NFASC: variants seen among roughly 807,000 people sequenced by gnomAD.
NFASC encodes neurofascin.
A neutral mutation model predicts 147.5 loss-of-function variants in NFASC; 43 were observed. The observed-to-expected ratio is 0.29, with a 90% CI of 0.23 to 0.38. The LOEUF is 0.38. NFASC is among the 10% of genes least tolerant of loss of function. The pLI is 1.00. For missense variants in NFASC, 1,320 were observed against 1,689.0 expected, an observed-to-expected ratio of 0.78 and a Z score of 3.83; for synonymous variants, 622 against 665.5, an observed-to-expected ratio of 0.93 and a Z score of 1.01.
At chr1:204,973,141 G>A (rs2095307351) in intron 11 of NFASC, 135 bp from the exon 12 acceptor site, 3 of 863,802 alleles carry the variant, frequency 3.5e-6, no homozygotes, top group Admixed American at 4.1e-5. Context: ...AAGGCCAGAA[G>A]CCCTGTCATC....
Position 204,898,845 on chromosome 1 carries a change from C to G in NFASC, c.-199-21787C>G, listed in dbSNP as rs186143021. Among the ~76,000 whole-genome samples the G allele has an allele frequency of 1.2e-4, 18 of 152,310 alleles. No homozygotes were observed. In the East Asian group the frequency reaches 3.5e-3, roughly 29 times the overall value. ...GGCCGACCCAGTCATTTTGGAGGAG[C>G]AGTGAAAGCATACCCCAGTCCTAGG... On this transcript the variant is annotated intron_variant, in intron 1 of 29. Transcript: ENST00000339876.
chr1:204,843,581 T>TTTCCTTC (rs1675985698), intron 1 of NFASC, among the ~76,000 whole-genome samples: 14 of 143,038 alleles, frequency 9.8e-5, no homozygotes, highest in African/African-American at 3.6e-4. Flanking sequence ...TCCTTCCTTC[T>TTTCCTTC]TTCCTTCTTC....
At chr1:204,838,542 C>T (rs1674427965) in intron 1 of NFASC, among the ~76,000 whole-genome samples, 2 of 152,208 alleles carry the variant, frequency 1.3e-5, no homozygotes, top group African/African-American at 2.4e-5. Context: ...AGGGAAGGCT[C>T]CTTGGATTCT....
At position 204,977,006 on chromosome 1, in the gene NFASC, C is replaced by T. The variant is rs559639794; in HGVS notation, c.1831+211C>T. On this transcript the variant is annotated intron_variant, in intron 16 of 29. Transcript: ENST00000339876. ...GGACAGGTTACCTCCTGAGTGGAGTCATTAACTTCCCCACGTCTCAACTGA... is the reference window on the plus strand; with the variant it reads ...GGACAGGTTACCTCCTGAGTGGAGTTATTAACTTCCCCACGTCTCAACTGA... 2,016 of 1,310,752 alleles carry T rather than the reference C, an allele frequency of 1.5e-3. 1 individual carries two copies. The highest frequency in any genetic ancestry group is 1.8e-3 in the Non-Finnish European group (1,895 of 1,030,914). 81.2% of individuals were successfully genotyped at this position (1,310,752 alleles called of 1,614,324 possible).
intron 28 of NFASC, 187 bp from the exon 29 acceptor site, chr1:205,012,610 G>A (rs2096273456): frequency 1.6e-6 from 1 of 618,064 alleles, no homozygotes; most frequent in East Asian, 2.8e-5. Flanking sequence ...GGAGGAGGCA[G>A]AGTCAACTTG....
chr1:205,003,360 A>G (rs1387448118), intron 27 of NFASC, among the ~76,000 whole-genome samples: 2 of 152,176 alleles, frequency 1.3e-5, no homozygotes, highest in Non-Finnish European at 2.9e-5. Context: ...CAGAACCGGA[A>G]AGGTTCTGGC....
In NFASC at chr1:204,936,198, CTTTTTCTT is replaced by C. The variant is rs2092819960; in HGVS notation, c.-90-8022_-90-8015del. ...TAACAGATTCCCTCTCTCTCTCTTTCTTTTTCTTTTTTTTTTTTTTTGAGATGGAGTCT... is the reference window on the plus strand; with the variant it reads ...TAACAGATTCCCTCTCTCTCTCTTTCTTTTTTTTTTTTTGAGATGGAGTCT... On this transcript the variant is annotated intron_variant, in intron 2 of 29. Coordinates refer to ENST00000339876, the MANE Select transcript of NFASC (RefSeq NM_001005388.3). 4.2e-5 allele frequency among the ~76,000 whole-genome samples: 3 copies of C among 71,892 alleles called. 1 individual carries two copies. Among genetic ancestry groups the C allele is most frequent in the South Asian group, 4.7e-4 (1 of 2,116 alleles). The allele number at this position is 71,892 out of a possible 152,430, so 47.2% of individuals were successfully genotyped here.
At chr1:204,872,303 G>A (rs1001644166) in intron 1 of NFASC, among the ~76,000 whole-genome samples, 1 of 152,226 alleles carries the variant, frequency 6.6e-6, no homozygotes, top group Non-Finnish European at 1.5e-5. Context: ...TGATGAGGAG[G>A]CTCTACAGAG....
chr1:204,954,238 G>A lies in NFASC; in HGVS notation c.266G>A (p.Arg89Gln), dbSNP rs144793383. ...TTCTTCAACATCGCCAAGGACCCCC[G>A]GGTGTCCATGAGGAGGAGGTCTGGG... ...SRFFNIAKDP[R>Q]VSMRRRSGTL... Residue 89 changes from arginine to glutamine, a missense_variant, in exon 6 of 30, where the codon CGG (arginine) becomes CAG (glutamine). Physicochemically the swap from Arg to Gln is conservative, Grantham distance 43. Transcript: ENST00000339876. The surrounding 1 kb of genome is among the most constrained non-coding windows in gnomAD (Gnocchi z 5.7). 6.8e-6 allele frequency: 11 copies of A among 1,614,058 alleles called. No individual in the cohort carries two copies. Among genetic ancestry groups the A allele is most frequent in the African/African-American group, 4.0e-5 (3 of 74,922 alleles).
rs2094300852 is a variant in NFASC, at chr1:204,954,124, A to T, written c.216-64A>T. On this transcript the variant is annotated intron_variant, in intron 5 of 29. Transcript: ENST00000339876. This position sits in a 1 kb window ranked among gnomAD's most constrained non-coding sequence, Gnocchi z 5.7. The stretch of plus-strand genomic sequence containing the variant: ...CTGAGCCAGGGACTAGGGATCTGAG[A>T]TCTGCCTGGAGCCCAGAGCCCACCC... 2 of 1,469,340 alleles carry T rather than the reference A, an allele frequency of 1.4e-6. No individual in the cohort carries two copies. The highest frequency in any genetic ancestry group is 9.5e-7 in the Non-Finnish European group (1 of 1,051,766). 91.0% of individuals were successfully genotyped at this position (1,469,340 alleles called of 1,614,324 possible).
intron 4 of NFASC, among the ~76,000 whole-genome samples, chr1:204,951,145 A>G (rs1034237898): frequency 7.0e-6 from 1 of 142,922 alleles, no homozygotes; most frequent in Non-Finnish European, 1.5e-5. Flanking sequence ...TCGGGATGCT[A>G]TGGGATTTTT....
At chr1:204,847,723 A>G (rs2075304328) in intron 1 of NFASC, among the ~76,000 whole-genome samples, 1 of 152,212 alleles carries the variant, frequency 6.6e-6, no homozygotes, top group Non-Finnish European at 1.5e-5. Context: ...CCAGTGGGTT[A>G]AAAGTGGCTC....
intron 1 of NFASC, among the ~76,000 whole-genome samples, chr1:204,842,637 A>G (rs536051746): frequency 6.6e-6 from 1 of 152,376 alleles, no homozygotes; most frequent in South Asian, 2.1e-4. Context: ...CCATCTGACC[A>G]CAGAGGCCTG....
At chr1:204,963,783 G>A (rs1202323175) in intron 8 of NFASC, among the ~76,000 whole-genome samples, 1 of 152,220 alleles carries the variant, frequency 6.6e-6, no homozygotes, top group East Asian at 1.9e-4. Flanking sequence ...CTTCTAGCAA[G>A]AAATCAAAGG....
chr1:204,976,600 G>A (rs2095410164), intron 15 of NFASC, 71 bp from the exon 16 acceptor site: 1 of 1,197,908 alleles, frequency 8.3e-7, no homozygotes, highest in Admixed American at 1.9e-5. Context: ...CCCCCTCTAG[G>A]GAGAAAGCAA....
Position 204,954,712 on chromosome 1 carries a change from C to T in NFASC, c.413-117C>T. 1 of 1,259,920 alleles carries T rather than the reference C, an allele frequency of 7.9e-7. No homozygotes were observed. Among genetic ancestry groups the T allele is most frequent in the Non-Finnish European group, 1.1e-6 (1 of 886,750 alleles). 78.0% of individuals were successfully genotyped at this position (1,259,920 alleles called of 1,614,324 possible). A position where few individuals can be genotyped will look rare whatever the true frequency, so the allele number is the denominator to read the frequency against. ...GTGCCCCGTCCCTCTCTCTTGCTCC[C>T]TCCTTCTCCAGGTGCCCCTTCTGTT... On this transcript the variant is annotated intron_variant, in intron 6 of 29. Transcript: ENST00000339876. This position sits in a 1 kb window ranked among gnomAD's most constrained non-coding sequence, Gnocchi z 5.7.
intron 17 of NFASC, among the ~76,000 whole-genome samples, chr1:204,977,943 C>T (rs1381320105): frequency 3.3e-5 from 5 of 152,198 alleles, no homozygotes; most frequent in African/African-American, 9.7e-5. Flanking sequence ...CGGAAGTTCT[C>T]GGCTGCTGTT....
At chr1:204,868,245 G>T (rs775236723) in intron 1 of NFASC, among the ~76,000 whole-genome samples, 1 of 152,216 alleles carries the variant, frequency 6.6e-6, no homozygotes, top group Non-Finnish European at 1.5e-5. Flanking sequence ...AGGATCAACA[G>T]TTCCCCTAAG....
At chr1:204,911,767 T>C (rs1216004436) in intron 1 of NFASC, among the ~76,000 whole-genome samples, 1 of 152,168 alleles carries the variant, frequency 6.6e-6, no homozygotes, top group Non-Finnish European at 1.5e-5. Context: ...GAAGGTTTCC[T>C]TTTTTGAATA....
Sources: gnomAD v4.1 joint callset for allele counts (sites outside exome capture counted in the v4.1 genomes callset) on GRCh38, gnomAD v4.1.1 for gene constraint, Gnocchi (gnomAD v3.1) non-coding constraint, MANE v1.5 for transcripts, NCBI Gene and HGNC (gene_info 2026-07-23, HGNC 2026-07-21) for gene names.